Variants in CRTC1 observed in about 807,000 individuals in gnomAD.
CRTC1 encodes the protein CREB-regulated transcription coactivator 1.
In CRTC1, 18 loss-of-function variants were observed where a neutral mutation model predicts 66.1. That is an observed-to-expected ratio of 0.27 (90% confidence interval 0.19 to 0.40). CRTC1 has a LOEUF of 0.40. CRTC1 is among the 10% of genes least tolerant of loss of function. CRTC1 has a pLI of 1.00. For synonymous variants in CRTC1, 416 were observed against 398.8 expected, an observed-to-expected ratio of 1.04 and a Z score of -0.51; for missense variants, 669 against 887.9, an observed-to-expected ratio of 0.75 and a Z score of 3.13.
chr19:18,705,194 G>A (rs1834974479), intron 1 of CRTC1, among the ~76,000 whole-genome samples: 1 of 152,146 alleles, frequency 6.6e-6, no homozygotes, highest in Admixed American at 6.6e-5. Flanking sequence ...TGGACATTTG[G>A]CTGGTTTCAC....
chr19:18,700,188 G>A (rs984822757), intron 1 of CRTC1, among the ~76,000 whole-genome samples: 5 of 152,158 alleles, frequency 3.3e-5, no homozygotes, highest in Non-Finnish European at 7.4e-5. Context: ...GGGTCCTGAC[G>A]CCTCCGCTGG....
intron 1 of CRTC1, among the ~76,000 whole-genome samples, chr19:18,689,324 A>T (rs1232910455): frequency 1.3e-5 from 2 of 151,298 alleles, no homozygotes; most frequent in Admixed American, 1.3e-4. Context: ...CAGTGAGGCG[A>T]ATCCTGCACC....
intron 1 of CRTC1, among the ~76,000 whole-genome samples, chr19:18,710,489 G>A (rs897225148): frequency 5.3e-5 from 8 of 151,302 alleles, no homozygotes; most frequent in African/African-American, 1.9e-4. Flanking sequence ...GTGAGTCGGC[G>A]GCCGGCCGGG....
intron 1 of CRTC1, among the ~76,000 whole-genome samples, chr19:18,726,148 C>T (rs1172508956): frequency 6.6e-6 from 1 of 152,274 alleles, no homozygotes; most frequent in Non-Finnish European, 1.5e-5. Context: ...TGATTTCCCT[C>T]AGGAGAGCTT....
At chr19:18,720,803 A>T (rs1600837941) in intron 1 of CRTC1, among the ~76,000 whole-genome samples, 1 of 151,980 alleles carries the variant, frequency 6.6e-6, no homozygotes, top group East Asian at 1.9e-4. Flanking sequence ...CACCCGGCTG[A>T]GTTTTGGAAT....
At chr19:18,684,196 A>T (rs2052632292) in intron 1 of CRTC1, among the ~76,000 whole-genome samples, 1 of 151,830 alleles carries the variant, frequency 6.6e-6, no homozygotes, top group South Asian at 2.1e-4. Flanking sequence ...GGTGCCCCAC[A>T]TTATTACTAC....
At chr19:18,725,492 G>A (rs568162998) in intron 1 of CRTC1, among the ~76,000 whole-genome samples, 1 of 150,346 alleles carries the variant, frequency 6.7e-6, no homozygotes, top group Non-Finnish European at 1.5e-5. Flanking sequence ...GGAGGTTGGG[G>A]CAGCCTGGCC....
rs2054107853 is a variant in CRTC1 at position 18,741,381 on chromosome 19, T to C, written c.127-1529T>C. On this transcript the variant is annotated intron_variant, in intron 1 of 13. Transcript: ENST00000321949. The surrounding 1 kb of genome is among the most constrained non-coding windows in gnomAD (Gnocchi z 4.2). Reference sequence around the variant, plus strand: ...GTCGTGTGTCCCTCTCACACCCGCCTGTAGCACTCACTCTAGGTCGGGGAC... The same window carrying C: ...GTCGTGTGTCCCTCTCACACCCGCCCGTAGCACTCACTCTAGGTCGGGGAC... Among the ~76,000 whole-genome samples, 3 of 152,222 alleles carry C rather than the reference T, an allele frequency of 2.0e-5. No individual in the cohort carries two copies. The highest frequency in any genetic ancestry group is 7.2e-5 in the African/African-American group (3 of 41,460).
intron 1 of CRTC1, among the ~76,000 whole-genome samples, chr19:18,684,571 T>C (rs2052642893): frequency 6.6e-6 from 1 of 152,054 alleles, no homozygotes; most frequent in Non-Finnish European, 1.5e-5. Flanking sequence ...TGCTCAGTCC[T>C]GGAACTTGGA....
chr19:18,685,149 A>G (rs1267369774), intron 1 of CRTC1, among the ~76,000 whole-genome samples: 1 of 152,012 alleles, frequency 6.6e-6, no homozygotes, highest in East Asian at 1.9e-4. Context: ...TTACTTTGTA[A>G]CTAGTTGTTT....
intron 1 of CRTC1, among the ~76,000 whole-genome samples, chr19:18,689,867 C>T (rs925524609): frequency 2.0e-5 from 3 of 151,540 alleles, no homozygotes; most frequent in East Asian, 2.0e-4. Flanking sequence ...GTAGAGTTGC[C>T]GGGTCCTCTG....
intron 2 of CRTC1, among the ~76,000 whole-genome samples, chr19:18,745,213 T>C (rs2054203538): frequency 6.6e-6 from 1 of 152,094 alleles, no homozygotes; most frequent in African/African-American, 2.4e-5. Flanking sequence ...GGAAGGCGCC[T>C]GTACTTGGCT....
At chr19:18,718,507 ATT>A (rs201526045) in intron 1 of CRTC1, among the ~76,000 whole-genome samples, 24 of 140,202 alleles carry the variant, frequency 1.7e-4, no homozygotes, top group East Asian at 2.1e-4. Flanking sequence ...TGCCTGGCTA[ATT>A]TTTTTTTTTT....
intron 1 of CRTC1, among the ~76,000 whole-genome samples, chr19:18,716,528 G>A (rs567796909): frequency 1.5e-4 from 23 of 152,216 alleles, no homozygotes; most frequent in Non-Finnish European, 2.5e-4. Context: ...GGGATTACAG[G>A]TGTGAGCAAC....
rs143181214 is a variant in CRTC1 at position 18,773,964 on chromosome 19, G to A, written c.1426-936G>A. Among the ~76,000 whole-genome samples, 282 of 152,320 alleles carry A rather than the reference G, an allele frequency of 1.9e-3. 1 individual carries two copies. Among genetic ancestry groups the A allele is most frequent in the African/African-American group, 6.5e-3 (269 of 41,568 alleles). Reference sequence around the variant, plus strand: ...CAGATGGGGAGCTCCAAGGGAGAGGGCCAGGGCTTTGGGTCTGTGGAGACA... The same window carrying A: ...CAGATGGGGAGCTCCAAGGGAGAGGACCAGGGCTTTGGGTCTGTGGAGACA... On this transcript the variant is annotated intron_variant, in intron 11 of 13. Coordinates refer to ENST00000321949, the MANE Select transcript of CRTC1 (RefSeq NM_015321.3).
chr19:18,752,455 A>G (rs768462601), intron 5 of CRTC1, among the ~76,000 whole-genome samples: 2 of 152,114 alleles, frequency 1.3e-5, no homozygotes, highest in African/African-American at 2.4e-5. Flanking sequence ...CATAGCTGGG[A>G]CTACAGGTGA....
chr19:18,726,032 C>G (rs1290761158), intron 1 of CRTC1, among the ~76,000 whole-genome samples: 3 of 152,246 alleles, frequency 2.0e-5, no homozygotes, highest in Non-Finnish European at 4.4e-5. Context: ...GTACCGCGCC[C>G]TCGATCTTCT....
chr19:18,777,232 C>T lies in CRTC1; in HGVS notation c.1755C>T (p.Gly585=), dbSNP rs770777970. The T allele has an allele frequency of 8.7e-6, 14 of 1,606,390 alleles. No individual in the cohort carries two copies. The highest frequency in any genetic ancestry group is 8.4e-5 in the Admixed American group (5 of 59,800). The change falls in exon 14 of 14, where the codon GGC becomes GGT. Residue 585 remains glycine (G), a synonymous_variant. Transcript: ENST00000321949. This position sits in a 1 kb window ranked among gnomAD's most constrained non-coding sequence, Gnocchi z 5.5. ...TGACCAGCTCTCTGGCCGGGGTCGG[C>T]GACGTCAGCTTCGACTCCGACAGCC... ...KELTSSLAGV[G]DVSFDSDSQF...
At chr19:18,763,777 C>T (rs185686325) in intron 8 of CRTC1, among the ~76,000 whole-genome samples, 2 of 152,334 alleles carry the variant, frequency 1.3e-5, no homozygotes, top group African/African-American at 2.4e-5. Flanking sequence ...TACCCTCACA[C>T]GCTCCTGACG....
Sources: allele counts gnomAD v4.1 joint callset (sites outside exome capture counted in the v4.1 genomes callset), GRCh38; gene constraint gnomAD v4.1.1; non-coding constraint Gnocchi (gnomAD v3.1); transcripts MANE v1.5; gene names NCBI Gene and HGNC (gene_info 2026-07-23, HGNC 2026-07-21).